The following HAGHL variants were observed in gnomAD, a reference collection of about 807,000 sequenced individuals.
HAGHL encodes the protein hydroxyacylglutathione hydrolase like.
HAGHL carries 27 observed loss-of-function variants against 29.2 expected under a neutral mutation model. The ratio of observed to expected loss-of-function variants is 0.92; its 90% confidence interval spans 0.68 to 1.27. The LOEUF (loss-of-function observed/expected upper bound fraction) is 1.27, where lower values mean the gene tolerates loss of function less well. Among genes scored for constraint, HAGHL ranks in the 50% most tolerant of loss-of-function variants. The pLI, the probability that HAGHL is intolerant of heterozygous loss-of-function variation, is 0.00. For missense variants in HAGHL, 529 were observed against 405.5 expected, an observed-to-expected ratio of 1.30 and a Z score of -2.62; for synonymous variants, 223 against 185.7, an observed-to-expected ratio of 1.20 and a Z score of -1.63.
chr16:728,806 G>C lies in HAGHL; in HGVS notation c.511G>C (p.Gly171Arg). The change falls in exon 6 of 8, where the codon GGC becomes CGC. Residue 171 changes from glycine (G) to arginine (R), a missense_variant. Gly to Arg is a moderately radical substitution (Grantham distance 125, BLOSUM62 -2). Transcript: ENST00000389703. The part of the protein sequence containing the change: ...TLPPETKVFC[G>R]HEHTLSNLEF... ...GCTCTTCCTCCAGAAGGTGTTCTGCGGCCACGAGCACACGCTTAGCAACCT... is the reference window on the plus strand; with the variant it reads ...GCTCTTCCTCCAGAAGGTGTTCTGCCGCCACGAGCACACGCTTAGCAACCT... 6.2e-7 allele frequency: 1 copy of C among 1,612,102 alleles called. No individual in the cohort carries two copies. Among genetic ancestry groups the C allele is most frequent in the Non-Finnish European group, 8.5e-7 (1 of 1,179,728 alleles).
chr16:727,457 G>T lies in HAGHL; in HGVS notation c.-53G>T, dbSNP rs2041048583. The T allele has an allele frequency of 8.9e-7, 1 of 1,122,026 alleles. No homozygotes were observed. The highest frequency in any genetic ancestry group is 1.9e-5 in the Admixed American group (1 of 51,844). 69.5% of individuals were successfully genotyped at this position (1,122,026 alleles called of 1,614,324 possible). A position where few individuals can be genotyped will look rare whatever the true frequency, so the allele number is the denominator to read the frequency against. On this transcript the variant is annotated 5_prime_UTR_variant, in exon 1 of 8. Coordinates refer to ENST00000389703, the MANE Select transcript of HAGHL (RefSeq NM_032304.4). ...GCGGGCCCCGCCCTGAAGGGGCACC[G>T]TGGGCTGGGGGGCCTGTTTTGGAGC...
chr16:727,777 C>A, intron 1 of HAGHL, 163 bp downstream of exon 1: 1 of 733,982 alleles, frequency 1.4e-6, no homozygotes, highest in Non-Finnish European at 2.2e-6. Flanking sequence ...GCACCTCTGG[C>A]CTCCGCCCTT....
chr16:728,924 G>C lies in HAGHL; in HGVS notation c.600+29G>C, dbSNP rs540631987. The C allele has an allele frequency of 6.9e-6, 9 of 1,302,254 alleles. No individual in the cohort carries two copies. The Middle Eastern group carries it at 6.2e-4, about 89-fold the overall frequency. 80.7% of individuals were successfully genotyped at this position (1,302,254 alleles called of 1,614,324 possible). A position where few individuals can be genotyped will look rare whatever the true frequency, so the allele number is the denominator to read the frequency against. On this transcript the variant is annotated intron_variant, in intron 6 of 7. Transcript: ENST00000389703. ...CGGCCCCTTTCCCGCCGCGGCAAGA[G>C]GGTGGGGGGGGAGGGAACAGGCTTC...
At chr16:728,453 C>A in intron 4 of HAGHL, 29 bp downstream of exon 4, 1 of 1,503,372 alleles carries the variant, frequency 6.7e-7, no homozygotes, top group Non-Finnish European at 8.9e-7. Context: ...GCGCCCACCC[C>A]GCCTCCCGCC....
At chr16:728,928 G>C (rs758417646) in intron 6 of HAGHL, 33 bp downstream of exon 6, 13 of 1,241,572 alleles carry the variant, frequency 1.0e-5, no homozygotes, top group East Asian at 4.1e-5. Context: ...GCAAGAGGGT[G>C]GGGGGGGAGG....
In HAGHL at chr16:729,398, A is replaced by G; in HGVS notation, c.791A>G (p.Gln264Arg). The G allele has an allele frequency of 6.6e-7, 1 of 1,526,686 alleles. No homozygotes were observed. Among genetic ancestry groups the G allele is most frequent in the Non-Finnish European group, 8.8e-7 (1 of 1,140,386 alleles). The allele number at this position is 1,526,686 out of a possible 1,614,324, so 94.6% of individuals were successfully genotyped here. The change falls in exon 8 of 8, where the codon CAG becomes CGG. Residue 264 changes from glutamine to arginine, a missense_variant. Gln to Arg is a conservative substitution (Grantham distance 43). Coordinates refer to ENST00000389703, the MANE Select transcript of HAGHL (RefSeq NM_032304.4). ...FEQAGEPRQP[Q>R]ARALLALQWG... Reference sequence around the variant, plus strand: ...CAGGCGGGCGAGCCGCGGCAGCCACAGGCGCGGGCCCTCCTTGCGCTGCAG... The same window carrying G: ...CAGGCGGGCGAGCCGCGGCAGCCACGGGCGCGGGCCCTCCTTGCGCTGCAG...
rs201679437 is a variant in HAGHL at position 728,597 on chromosome 16, C to G, written c.491C>G (p.Pro164Arg). 1.6e-5 allele frequency: 24 copies of G among 1,500,250 alleles called. No homozygotes were observed. The highest frequency in any genetic ancestry group is 2.0e-5 in the Non-Finnish European group (22 of 1,127,134). 92.9% of individuals were successfully genotyped at this position (1,500,250 alleles called of 1,614,324 possible). A position where few individuals can be genotyped will look rare whatever the true frequency, so the allele number is the denominator to read the frequency against. Residue 164 changes from proline to arginine, a missense_variant, in exon 5 of 8, where the codon CCC becomes CGC. Coordinates refer to ENST00000389703, the MANE Select transcript of HAGHL (RefSeq NM_032304.4). ...QSLAELGTLP[P>R]ETKVFCGHEH... ...CTGGCCGAGCTGGGTACCCTGCCCCCCGAGACGGTGAGCGGGCCTGGGCCC... is the reference window on the plus strand; with the variant it reads ...CTGGCCGAGCTGGGTACCCTGCCCCGCGAGACGGTGAGCGGGCCTGGGCCC...
rs374214170 is a variant in HAGHL, at chr16:729,089, G to A, written c.680+1G>A. The A allele has an allele frequency of 5.0e-6, 8 of 1,608,472 alleles. No homozygotes were observed. Among genetic ancestry groups the A allele is most frequent in the Non-Finnish European group, 6.8e-6 (8 of 1,179,844 alleles). ...TCTACAACCCCTTCCTGCGGGTGGC[G>A]TGAGTATGGCTGTTGTCCCGGGGCC... On this transcript the variant is annotated splice_donor_variant, in intron 7 of 7. Transcript: ENST00000389703. LOFTEE classifies it high-confidence loss of function.
intron 5 of HAGHL, 37 bp downstream of exon 5, chr16:728,641 G>A: frequency 7.5e-7 from 1 of 1,336,550 alleles, no homozygotes; most frequent in Non-Finnish European, 1.0e-6. Context: ...TCTCCCGTGG[G>A]CACAGCCCCC....
rs922573930 is a variant in HAGHL, at chr16:727,382, C to T, written c.-128C>T. On this transcript the variant is annotated 5_prime_UTR_variant, in exon 1 of 8. Coordinates refer to ENST00000389703, the MANE Select transcript of HAGHL (RefSeq NM_032304.4). ...GGAGCCGGGCTTCTCTTTTGGCCCC[C>T]AGCGTGTTGACCGAGCCCGCTTCGC... The T allele has an allele frequency of 2.3e-5, 13 of 577,008 alleles. 1 individual carries two copies. Among genetic ancestry groups the T allele is most frequent in the Admixed American group, 6.5e-5 (2 of 30,704 alleles). 35.7% of individuals were successfully genotyped at this position (577,008 alleles called of 1,614,324 possible).
intron 1 of HAGHL, 136 bp downstream of exon 1, chr16:727,750 G>C (rs1479985213): frequency 8.2e-6 from 6 of 727,964 alleles, no homozygotes; most frequent in Non-Finnish European, 1.4e-5. Context: ...TTTATCTTGG[G>C]GCTCCCTGAA....
rs1401067023 is a variant in HAGHL, at chr16:727,986, G to T, written c.127G>T (p.Glu43Ter). 1.2e-6 allele frequency: 2 copies of T among 1,608,014 alleles called. No individual in the cohort carries two copies. Among genetic ancestry groups the T allele is most frequent in the East Asian group, 2.3e-5 (1 of 44,342 alleles). ...PKRLLEIVGR[E>*]GVSLTAVLTT... ...TCAGCTGCTGGAGATCGTGGGCCGG[G>T]AGGGGGTGTCTCTGACCGCTGTGCT... The change falls in exon 2 of 8, where the codon GAG becomes TAG. Residue 43 changes from glutamate to a stop codon, truncating the protein, a stop_gained. Transcript: ENST00000389703. LOFTEE classifies it high-confidence loss of function.
intron 2 of HAGHL, 34 bp from the exon 3 acceptor site, chr16:728,082 C>G: frequency 6.7e-7 from 1 of 1,498,532 alleles, no homozygotes; most frequent in Non-Finnish European, 8.9e-7. Flanking sequence ...TGTCCCAACC[C>G]GACCTAACCC....
chr16:728,428 CCCGCAGCGCGGA>C lies in HAGHL; in HGVS notation c.397+5_397+16del. On this transcript the variant is annotated splice_donor_5th_base_variant and intron_variant, in intron 4 of 7. Coordinates refer to ENST00000389703, the MANE Select transcript of HAGHL (RefSeq NM_032304.4). ...GACCCACCCGCCCTGTTCTCGGGTA[CCCGCAGCGCGGA>C]GCGCGCCCACCCCGCCTCCCGCCGG... 1 of 1,449,388 alleles carries C rather than the reference CCCGCAGCGCGGA, an allele frequency of 6.9e-7. No individual in the cohort carries two copies. Among genetic ancestry groups the C allele is most frequent in the East Asian group, 2.6e-5 (1 of 38,742 alleles). 89.8% of individuals were successfully genotyped at this position (1,449,388 alleles called of 1,614,324 possible).
rs1596650144 is a variant in HAGHL, at chr16:727,259, A to T, written c.-251A>T. On this transcript the variant is annotated 5_prime_UTR_variant, in exon 1 of 8. Coordinates refer to ENST00000389703, the MANE Select transcript of HAGHL (RefSeq NM_032304.4). Reference sequence around the variant, plus strand: ...GTGGCCTTTGGGGACTGGGGCTCGGACTGGGGGCGGAGCCGGGGCTGGTTG... The same window carrying T: ...GTGGCCTTTGGGGACTGGGGCTCGGTCTGGGGGCGGAGCCGGGGCTGGTTG... 3 of 423,912 alleles carry T rather than the reference A, an allele frequency of 7.1e-6. No individual in the cohort carries two copies. The South Asian group carries it at 9.7e-5, about 14-fold the overall frequency. 26.3% of individuals were successfully genotyped at this position (423,912 alleles called of 1,614,324 possible).
In HAGHL at chr16:728,363, C is replaced by T. The variant is rs780037771; in HGVS notation, c.336C>T (p.Ala112=). The T allele has an allele frequency of 1.9e-6, 3 of 1,578,984 alleles. No homozygotes were observed. Among genetic ancestry groups the T allele is most frequent in the Admixed American group, 1.8e-5 (1 of 56,660 alleles). The change falls in exon 4 of 8, where the codon GCC becomes GCT. Residue 112 remains alanine, a synonymous_variant. Coordinates refer to ENST00000389703, the MANE Select transcript of HAGHL (RefSeq NM_032304.4). The stretch of plus-strand genomic sequence containing the variant: ...GCCTCCTGACGCCCGGCCACACCGC[C>T]GGCCACATGAGCTACTTCCTGTGGG... ...VRCLLTPGHT[A]GHMSYFLWED...
At chr16:728,711 G>C (rs533154497) in intron 5 of HAGHL, 83 bp from the exon 6 acceptor site, 3 of 1,386,776 alleles carry the variant, frequency 2.2e-6, no homozygotes, top group Non-Finnish European at 3.0e-6. Context: ...AGGGCAGACC[G>C]GGCAGGGGAG....
At chr16:728,058 CGAG>C (rs754212065) in intron 2 of HAGHL, 29 bp downstream of exon 2, 40 of 1,567,396 alleles carry the variant, frequency 2.6e-5, no homozygotes, top group Non-Finnish European at 3.2e-5. Context: ...CGGGGAGGCA[CGAG>C]GACGCCGCCT....
In HAGHL at chr16:728,848, G is replaced by T; in HGVS notation, c.553G>T (p.Val185Leu). Reference sequence around the variant, plus strand: ...TAGCAACCTGGAGTTTGCCCAGAAAGTGGAGCCCTGCAACGACCACGTGAG... The same window carrying T: ...TAGCAACCTGGAGTTTGCCCAGAAATTGGAGCCCTGCAACGACCACGTGAG... ...TLSNLEFAQK[V>L]EPCNDHVRAK... The change falls in exon 6 of 8, where the codon GTG (valine) becomes TTG (leucine). Residue 185 changes from valine to leucine, a missense_variant. Physicochemically the swap from Val to Leu is conservative, Grantham distance 32 (BLOSUM62 1). Transcript: ENST00000389703. The T allele has an allele frequency of 6.2e-7, 1 of 1,611,700 alleles. No individual in the cohort carries two copies. The highest frequency in any genetic ancestry group is 8.5e-7 in the Non-Finnish European group (1 of 1,179,636).
Sources: gnomAD v4.1 joint callset for allele counts on GRCh38, gnomAD v4.1.1 for gene constraint, MANE v1.5 for transcripts, NCBI Gene and HGNC (gene_info 2026-07-23, HGNC 2026-07-21) for gene names.